ATXN10: variants seen among roughly 807,000 people sequenced by gnomAD.
ATXN10 encodes ataxin 10, also known as ataxin-10.
ATXN10 carries 28 observed loss-of-function variants against 52.9 expected under a neutral mutation model. The ratio of observed to expected loss-of-function variants is 0.53; its 90% confidence interval spans 0.39 to 0.73. ATXN10 has a LOEUF of 0.73. Ranked by LOEUF, ATXN10 falls within the 30% of genes least tolerant of loss-of-function variation. The pLI, the probability that ATXN10 is intolerant of heterozygous loss-of-function variation, is 0.00. For synonymous variants in ATXN10, 226 were observed against 221.5 expected, an observed-to-expected ratio of 1.02 and a Z score of -0.18; for missense variants, 565 against 577.0, an observed-to-expected ratio of 0.98 and a Z score of 0.21.
Position 45,829,294 on chromosome 22 carries a change from C to G in ATXN10, c.1238-13697C>G, listed in dbSNP as rs140398818. ...GCAAACATAACTCCACGATGAAAGA[C>G]TGAAAGCTTTTTCTCTAAGATCGGG... On this transcript the variant is annotated intron_variant, in intron 10 of 11. Coordinates refer to ENST00000252934, the MANE Select transcript of ATXN10 (RefSeq NM_013236.4). Among the ~76,000 whole-genome samples, 409 of 152,268 alleles carry G rather than the reference C, an allele frequency of 2.7e-3. 2 individuals are homozygous for G. The highest frequency in any genetic ancestry group is 9.3e-3 in the African/African-American group (385 of 41,564).
intron 1 of ATXN10, chr22:45,673,148 T>C (rs762523767): frequency 5.3e-5 from 8 of 152,214 alleles, no homozygotes; most frequent in Non-Finnish European, 1.2e-4. Flanking sequence ...ATGTAGCTGA[T>C]ATTATCACTT....
intron 2 of ATXN10, among the ~76,000 whole-genome samples, chr22:45,692,034 A>G (rs1167645123): frequency 2.0e-5 from 3 of 152,212 alleles, no homozygotes; most frequent in Non-Finnish European, 2.9e-5. Context: ...TAGGTAAGCA[A>G]TGTCTTCCAA....
intron 7 of ATXN10, 198 bp from the exon 8 acceptor site, chr22:45,738,533 C>A: frequency 1.8e-6 from 1 of 551,004 alleles, no homozygotes; most frequent in Non-Finnish European, 3.2e-6. Flanking sequence ...CAGATGTCTG[C>A]TGTTAGTGAA....
intron 6 of ATXN10, among the ~76,000 whole-genome samples, chr22:45,720,703 A>G (rs1421886202): frequency 6.6e-6 from 1 of 152,224 alleles, no homozygotes; most frequent in Non-Finnish European, 1.5e-5. Context: ...GGGCAAGGAT[A>G]TGGAGAAATT....
chr22:45,793,564 C>G, intron 9 of ATXN10: 2 of 1,284,244 alleles, frequency 1.6e-6, no homozygotes, highest in Non-Finnish European at 2.0e-6. Context: ...CTTTCTGTGA[C>G]AAATGACTAG....
rs117081501 is a variant in ATXN10 at position 45,741,277 on chromosome 22, A to T, written c.1173+739A>T. ...TGCCACTCCCCTGTCGAGGGTTGGC[A>T]TCTATTTCTCCATCCACTTGAATCT... On this transcript the variant is annotated intron_variant, in intron 9 of 11. Coordinates refer to ENST00000252934, the MANE Select transcript of ATXN10 (RefSeq NM_013236.4). 2.0e-5 allele frequency among the ~76,000 whole-genome samples: 3 copies of T among 152,328 alleles called. No homozygotes were observed. In the East Asian group the frequency reaches 5.8e-4, roughly 29 times the overall value.
rs1169252958 is a variant in ATXN10 at position 45,754,078 on chromosome 22, C to T, written c.1173+13540C>T. ...CCTCTGAGAATGATGCTCACACTGC[C>T]CAGTGGCAGGACGCAACCTGGGTTC... On this transcript the variant is annotated intron_variant, in intron 9 of 11. Transcript: ENST00000252934. The surrounding 1 kb of genome is among the most constrained non-coding windows in gnomAD (Gnocchi z 5.4). 6.6e-6 allele frequency among the ~76,000 whole-genome samples: 1 copy of T among 152,116 alleles called. No individual in the cohort carries two copies. Among genetic ancestry groups the T allele is most frequent in the African/African-American group, 2.4e-5 (1 of 41,424 alleles).
chr22:45,806,558 A>T (rs991366067), intron 9 of ATXN10, among the ~76,000 whole-genome samples: 1 of 152,210 alleles, frequency 6.6e-6, no homozygotes, highest in Admixed American at 6.5e-5. Flanking sequence ...TCCGGATTGA[A>T]TCATAGTTAG....
intron 10 of ATXN10, among the ~76,000 whole-genome samples, chr22:45,822,146 G>A (rs888062960): frequency 1.3e-5 from 2 of 152,146 alleles, no homozygotes; most frequent in Non-Finnish European, 2.9e-5. Flanking sequence ...CCAAAATTGT[G>A]TTTGGTCTAT....
intron 10 of ATXN10, among the ~76,000 whole-genome samples, chr22:45,836,936 G>A (rs569267643): frequency 4.9e-4 from 74 of 152,258 alleles, no homozygotes; most frequent in Non-Finnish European, 7.5e-4. Context: ...AGGCTTGCCC[G>A]TGCTGACCAT....
Position 45,678,829 on chromosome 22 carries a change from G to C in ATXN10, c.116+6650G>C, listed in dbSNP as rs1364004350. ...CTTAGTGCTGCAGCTGTGATTGATAGGATAAAATTAACTATGTGTAGCTTA... is the reference window on the plus strand; with the variant it reads ...CTTAGTGCTGCAGCTGTGATTGATACGATAAAATTAACTATGTGTAGCTTA... On this transcript the variant is annotated intron_variant, in intron 1 of 11. Coordinates refer to ENST00000252934, the MANE Select transcript of ATXN10 (RefSeq NM_013236.4). The surrounding 1 kb of genome is among the most constrained non-coding windows in gnomAD (Gnocchi z 4.1). 1.3e-5 allele frequency: 2 copies of C among 152,146 alleles called. No individual in the cohort carries two copies. Among genetic ancestry groups the C allele is most frequent in the African/African-American group, 4.8e-5 (2 of 41,430 alleles). The allele number at this position is 152,146 out of a possible 1,614,324, so 9.4% of individuals were successfully genotyped here. A position where few individuals can be genotyped will look rare whatever the true frequency, so the allele number is the denominator to read the frequency against.
chr22:45,771,273 T>C (rs1299258611), intron 9 of ATXN10, among the ~76,000 whole-genome samples: 4 of 152,208 alleles, frequency 2.6e-5, no homozygotes, highest in Non-Finnish European at 5.9e-5. Flanking sequence ...CCTCGTCAGC[T>C]CTTGGTATTG....
chr22:45,797,056 T>C (rs1335457230), intron 9 of ATXN10, among the ~76,000 whole-genome samples: 1 of 152,208 alleles, frequency 6.6e-6, no homozygotes, highest in African/African-American at 2.4e-5. Flanking sequence ...CATACATTGC[T>C]AATAGCAGAA....
At chr22:45,725,421 C>CTTT (rs1924829440) in intron 6 of ATXN10, among the ~76,000 whole-genome samples, 1 of 110,750 alleles carries the variant, frequency 9.0e-6, no homozygotes. Flanking sequence ...TTTTTTTTTG[C>CTTT]AGCTATTTTA....
rs1924977666 is a variant in ATXN10 at position 45,728,885 on chromosome 22, T to C, written c.729-540T>C. On this transcript the variant is annotated intron_variant, in intron 6 of 11. Coordinates refer to ENST00000252934, the MANE Select transcript of ATXN10 (RefSeq NM_013236.4). The surrounding 1 kb of genome is among the most constrained non-coding windows in gnomAD (Gnocchi z 4.3). ...CAAATGAGTGGTTAAAGCACCTGGC[T>C]CAGGGCACAGATTGAATCCTAGCTT... Among the ~76,000 whole-genome samples the C allele has an allele frequency of 6.6e-6, 1 of 152,156 alleles. No homozygotes were observed. Among genetic ancestry groups the C allele is most frequent in the Non-Finnish European group, 1.5e-5 (1 of 68,018 alleles).
intron 9 of ATXN10, among the ~76,000 whole-genome samples, chr22:45,751,088 GC>G (rs1171392487): frequency 6.6e-6 from 1 of 151,854 alleles, no homozygotes; most frequent in Non-Finnish European, 1.5e-5. Context: ...GTGCCACCAT[GC>G]CTGGCTAATT....
rs1297920537 is a variant in ATXN10 at position 45,843,125 on chromosome 22, G to A, written c.1372G>A (p.Glu458Lys). ...ACTTAAAAAAGTGGGTTTTGAAGTT[G>A]AAAAGAAAGGCGAAAAGCTGATCCT... is the stretch of plus-strand genomic sequence containing the variant. The part of the protein sequence containing the change: ...SLLKKVGFEV[E>K]KKGEKLILKS... Residue 458 changes from glutamate to lysine, a missense_variant, in exon 11 of 12, where the codon GAA becomes AAA. Transcript: ENST00000252934. This position sits in a 1 kb window ranked among gnomAD's most constrained non-coding sequence, Gnocchi z 4.5. 16 of 1,613,984 alleles carry A rather than the reference G, an allele frequency of 9.9e-6. No individual in the cohort carries two copies. Among genetic ancestry groups the A allele is most frequent in the Admixed American group, 1.7e-5 (1 of 59,994 alleles).
intron 10 of ATXN10, among the ~76,000 whole-genome samples, chr22:45,827,983 A>T (rs1242835816): frequency 6.6e-6 from 1 of 152,250 alleles, no homozygotes; most frequent in Admixed American, 6.5e-5. Flanking sequence ...TGGACTATTC[A>T]CAAATTTATG....
chr22:45,673,081 A>T (rs1334210088), intron 1 of ATXN10: 1 of 152,232 alleles, frequency 6.6e-6, no homozygotes, highest in African/African-American at 2.4e-5. Flanking sequence ...TGTCATAAGG[A>T]GTAAATGAGA....
Sources: allele counts gnomAD v4.1 joint callset (sites outside exome capture counted in the v4.1 genomes callset), GRCh38; gene constraint gnomAD v4.1.1; non-coding constraint Gnocchi (gnomAD v3.1); transcripts MANE v1.5; gene names NCBI Gene and HGNC (gene_info 2026-07-23, HGNC 2026-07-21).